RGS12: variants seen among roughly 807,000 people sequenced by gnomAD.
The protein encoded by RGS12 is regulator of G-protein signaling 12.
In RGS12, 66 loss-of-function variants were observed where a neutral mutation model predicts 120.1. That is an observed-to-expected ratio of 0.55 (90% CI 0.45 to 0.67). RGS12 has a LOEUF of 0.67. RGS12 is among the 30% of genes least tolerant of loss of function. RGS12 has a pLI of 0.00. For missense variants in RGS12, 1,859 were observed against 1,957.7 expected, an observed-to-expected ratio of 0.95 and a Z score of 0.95; for synonymous variants, 827 against 804.7, an observed-to-expected ratio of 1.03 and a Z score of -0.47.
intron 1 of RGS12, among the ~76,000 whole-genome samples, chr4:3,296,629 G>A (rs1232393438): frequency 6.6e-6 from 1 of 152,216 alleles, no homozygotes; most frequent in Non-Finnish European, 1.5e-5. Flanking sequence ...TTTGGGGATC[G>A]CTATTCAGCC....
intron 1 of RGS12, among the ~76,000 whole-genome samples, chr4:3,306,228 C>G (rs73193357): frequency 0.075 from 11,428 of 152,318 alleles, 826 homozygotes; most frequent in East Asian, 0.33. Flanking sequence ...ATGTCACATG[C>G]ACAGCAGGCT....
intron 1 of RGS12, among the ~76,000 whole-genome samples, chr4:3,308,560 T>C (rs1012003819): frequency 1.3e-5 from 2 of 152,222 alleles, no homozygotes; most frequent in African/African-American, 4.8e-5. Flanking sequence ...CTGGGTGGCC[T>C]GTGCAGCCCT....
At chr4:3,337,906 G>A (rs956976496) in intron 2 of RGS12, among the ~76,000 whole-genome samples, 35 of 152,222 alleles carry the variant, frequency 2.3e-4, no homozygotes, top group Non-Finnish European at 4.4e-5. Context: ...CAGTAGTACA[G>A]CAGGAGCTGG....
intron 3 of RGS12, among the ~76,000 whole-genome samples, chr4:3,350,819 GCTAA>G (rs564371447): frequency 9.2e-5 from 14 of 152,226 alleles, no homozygotes; most frequent in South Asian, 4.1e-4. Flanking sequence ...GGGATTTCTG[GCTAA>G]CTATGTCAGA....
Position 3,337,922 on chromosome 4 carries a change from G to T in RGS12, c.1882-5015G>T, listed in dbSNP as rs140793662. On this transcript the variant is annotated intron_variant, in intron 2 of 17. Coordinates refer to ENST00000336727, the MANE Select transcript of RGS12 (RefSeq NM_001394154.1). ...AGTAGTACAGCAGGAGCTGGGTGTTGTCTCAGGTCAGCCATGAGCTGTGTG... is the reference window on the plus strand; with the variant it reads ...AGTAGTACAGCAGGAGCTGGGTGTTTTCTCAGGTCAGCCATGAGCTGTGTG... Among the ~76,000 whole-genome samples, 430 of 152,334 alleles carry T rather than the reference G, an allele frequency of 2.8e-3. 4 individuals are homozygous for T. The highest frequency in any genetic ancestry group is 0.01 in the African/African-American group (416 of 41,580).
rs947367558 is a variant in RGS12 at position 3,390,736 on chromosome 4, C to G, written c.2020+4299C>G. Among the ~76,000 whole-genome samples the G allele has an allele frequency of 1.3e-5, 2 of 152,234 alleles. No homozygotes were observed. Among genetic ancestry groups the G allele is most frequent in the African/African-American group, 4.8e-5 (2 of 41,448 alleles). On this transcript the variant is annotated intron_variant, in intron 4 of 17. Coordinates refer to ENST00000336727, the MANE Select transcript of RGS12 (RefSeq NM_001394154.1). This position sits in a 1 kb window ranked among gnomAD's most constrained non-coding sequence, Gnocchi z 4.6. Reference sequence around the variant, plus strand: ...GGCAAGTCACTTTCTCTCTCCTAGCCTTGTGTCTTCATCTCGCCGGTCCTT... The same window carrying G: ...GGCAAGTCACTTTCTCTCTCCTAGCGTTGTGTCTTCATCTCGCCGGTCCTT...
intron 14 of RGS12, 65 bp from the exon 15 acceptor site, chr4:3,428,025 G>A (rs1458192137): frequency 6.9e-7 from 1 of 1,448,834 alleles, no homozygotes; most frequent in Non-Finnish European, 9.7e-7. Flanking sequence ...GTAGGAGCAG[G>A]TTGTCTATGA....
At chr4:3,435,237 G>A (rs1404597628) in intron 17 of RGS12, among the ~76,000 whole-genome samples, 1 of 152,128 alleles carries the variant, frequency 6.6e-6, no homozygotes, top group Non-Finnish European at 1.5e-5. Context: ...TGGAAGTGAG[G>A]TCACGCCCCT....
chr4:3,424,235 C>T (rs186330365), intron 13 of RGS12, among the ~76,000 whole-genome samples: 16 of 152,360 alleles, frequency 1.1e-4, no homozygotes, highest in Admixed American at 4.6e-4. Flanking sequence ...GTGGGGGTTC[C>T]GGGCACAGTG....
intron 1 of RGS12, among the ~76,000 whole-genome samples, chr4:3,313,717 C>T (rs942244369): frequency 3.9e-5 from 6 of 152,184 alleles, no homozygotes; most frequent in East Asian, 1.9e-4. Flanking sequence ...TGCCTGGGCT[C>T]GAGACCCATC....
intron 1 of RGS12, among the ~76,000 whole-genome samples, chr4:3,310,013 G>A (rs1724272167): frequency 6.7e-6 from 1 of 148,574 alleles, no homozygotes; most frequent in Admixed American, 6.7e-5. Flanking sequence ...GAACCGTGTG[G>A]GGGAGGAGCT....
At chr4:3,329,772 C>T (rs1711635711) in intron 2 of RGS12, among the ~76,000 whole-genome samples, 1 of 152,202 alleles carries the variant, frequency 6.6e-6, no homozygotes, top group Non-Finnish European at 1.5e-5. Context: ...AATAAAGGTA[C>T]ATTTTAAAGT....
intron 1 of RGS12, among the ~76,000 whole-genome samples, chr4:3,298,022 G>A (rs572602305): frequency 7.9e-5 from 12 of 152,170 alleles, no homozygotes; most frequent in East Asian, 7.7e-4. Context: ...TGAAAATGTT[G>A]CTTCATTGCA....
At chr4:3,362,264 C>A (rs1715642595) in intron 3 of RGS12, among the ~76,000 whole-genome samples, 1 of 152,188 alleles carries the variant, frequency 6.6e-6, no homozygotes, top group African/African-American at 2.4e-5. Flanking sequence ...GCAGGACCTC[C>A]TGCGAGTGCC....
upstream of RGS12, among the ~76,000 whole-genome samples, chr4:3,292,784 C>T (rs1048728548): frequency 6.6e-6 from 1 of 152,202 alleles, no homozygotes; most frequent in African/African-American, 2.4e-5. Flanking sequence ...AACGGAAGTC[C>T]CGCCCCCGGC....
chr4:3,305,179 G>A (rs1451984343), intron 1 of RGS12, among the ~76,000 whole-genome samples: 5 of 152,242 alleles, frequency 3.3e-5, no homozygotes, highest in African/African-American at 1.2e-4. Flanking sequence ...GCATGAGCGA[G>A]ACGAAAGCCA....
intron 2 of RGS12, among the ~76,000 whole-genome samples, chr4:3,321,775 G>A (rs980908422): frequency 2.0e-5 from 3 of 152,226 alleles, no homozygotes. Context: ...CTGGGCAGGG[G>A]CCCCTGCTGA....
rs1724022201 is a variant in RGS12 at position 3,429,565 on chromosome 4, T to TC, written c.3566-840dup. On this transcript the variant is annotated intron_variant, in intron 16 of 17. Transcript: ENST00000336727. ...GAGGTTCCTTGTAGTTGTTAAAAAC[T>TC]CCGAGTATAATTCCAATGCTAGAGA... Among the ~76,000 whole-genome samples the TC allele has an allele frequency of 2.0e-5, 3 of 152,202 alleles. No individual in the cohort carries two copies. The South Asian group carries it at 6.2e-4, about 32-fold the overall frequency.
intron 3 of RGS12, among the ~76,000 whole-genome samples, chr4:3,380,954 A>T (rs985497893): frequency 1.3e-5 from 2 of 152,020 alleles, no homozygotes; most frequent in Middle Eastern, 3.2e-3. Context: ...TCCCCAGAAA[A>T]TTTTTTCTTC....
Sources: allele counts gnomAD v4.1 joint callset (sites outside exome capture counted in the v4.1 genomes callset), GRCh38; gene constraint gnomAD v4.1.1; non-coding constraint Gnocchi (gnomAD v3.1); transcripts MANE v1.5; gene names NCBI Gene and HGNC (gene_info 2026-07-23, HGNC 2026-07-21).